Variants in LAMA1 observed in about 807,000 individuals in gnomAD.
LAMA1 encodes laminin subunit alpha 1, also known as laminin subunit alpha-1.
In LAMA1, 219 loss-of-function variants were observed where a neutral mutation model predicts 348.7. The ratio of observed to expected loss-of-function variants is 0.63; its 90% confidence interval spans 0.56 to 0.70. The LOEUF is 0.70. LAMA1 is among the 30% of genes least tolerant of loss of function. The pLI, the probability that LAMA1 is intolerant of heterozygous loss-of-function variation, is 0.00. For synonymous variants in LAMA1, 1,487 were observed against 1,491.0 expected (o/e 1.00, Z 0.06); for missense variants, 3,744 against 3,888.0 (o/e 0.96, Z 0.99).
At chr18:6,968,995 T>C (rs1362098306) in intron 48 of LAMA1, among the ~76,000 whole-genome samples, 1 of 152,220 alleles carries the variant, frequency 6.6e-6, no homozygotes, top group African/African-American at 2.4e-5. Flanking sequence ...CTAAAGTTCT[T>C]GTCTAACAGG....
intron 3 of LAMA1, among the ~76,000 whole-genome samples, chr18:7,066,706 A>T (rs2058124237): frequency 6.6e-6 from 1 of 152,232 alleles, no homozygotes; most frequent in Admixed American, 6.5e-5. Context: ...TTCAATTAGC[A>T]TAGGACAAAA....
chr18:7,038,619 G>A (rs949741156), intron 11 of LAMA1, 191 bp downstream of exon 11: 12 of 723,002 alleles, frequency 1.7e-5, no homozygotes, highest in African/African-American at 1.4e-4. Flanking sequence ...AAATGTGTGT[G>A]GGAGTAAGCA....
intron 1 of LAMA1, among the ~76,000 whole-genome samples, chr18:7,097,504 T>G (rs954597465): frequency 1.3e-5 from 2 of 150,262 alleles, no homozygotes; most frequent in Non-Finnish European, 3.0e-5. Context: ...GCTGGCTTTT[T>G]TTTTTTTTTT....
intron 1 of LAMA1, among the ~76,000 whole-genome samples, chr18:7,113,439 CA>C (rs1489137015): frequency 2.0e-5 from 3 of 152,128 alleles, no homozygotes; most frequent in African/African-American, 7.2e-5. Context: ...GGGTTTGGGG[CA>C]CATAATCTAA....
At chr18:7,018,977 G>A (rs1454552887) in intron 19 of LAMA1, among the ~76,000 whole-genome samples, 1 of 151,960 alleles carries the variant, frequency 6.6e-6, no homozygotes, top group African/African-American at 2.4e-5. Flanking sequence ...CCCATTCACC[G>A]GTGCCCTTCA....
intron 29 of LAMA1, among the ~76,000 whole-genome samples, chr18:7,005,452 A>T (rs1278584368): frequency 6.6e-6 from 1 of 152,184 alleles, no homozygotes; most frequent in African/African-American, 2.4e-5. Context: ...GTTCAGACTT[A>T]ATATCTGAAG....
chr18:6,986,707 G>A (rs2057737217), intron 36 of LAMA1, among the ~76,000 whole-genome samples: 1 of 152,118 alleles, frequency 6.6e-6, no homozygotes, highest in African/African-American at 2.4e-5. Context: ...TGTATTTCAA[G>A]TTAAGCCGGT....
At chr18:7,102,131 G>A (rs903568286) in intron 1 of LAMA1, among the ~76,000 whole-genome samples, 3 of 151,838 alleles carry the variant, frequency 2.0e-5, no homozygotes, top group African/African-American at 4.8e-5. Flanking sequence ...TATAAAACAC[G>A]GCCCATTTAA....
chr18:7,070,851 A>G (rs1165724058), intron 3 of LAMA1, among the ~76,000 whole-genome samples: 1 of 152,122 alleles, frequency 6.6e-6, no homozygotes, highest in Non-Finnish European at 1.5e-5. Context: ...TCCGGCTTTA[A>G]AAGTTTTTTA....
intron 3 of LAMA1, 74 bp downstream of exon 3, chr18:7,079,901 C>G (rs1374491359): frequency 2.7e-6 from 3 of 1,092,960 alleles, no homozygotes; most frequent in Non-Finnish European, 4.2e-6. Context: ...AGAAGCCAGA[C>G]TTTCCCAAAG....
Position 6,983,170 on chromosome 18 carries a change from T to C in LAMA1, c.5725A>G (p.Ile1909Val), listed in dbSNP as rs1490879311. 1.2e-6 allele frequency: 2 copies of C among 1,614,204 alleles called. No homozygotes were observed. Among genetic ancestry groups the C allele is most frequent in the Non-Finnish European group, 1.7e-6 (2 of 1,180,022 alleles). ...TCCGATTCTTCAATCAGGCTCTGGATGTTGTAATGGACATAGGCTGCACTG... is the reference window on the plus strand; with the variant it reads ...TCCGATTCTTCAATCAGGCTCTGGACGTTGTAATGGACATAGGCTGCACTG... ...ATSAAYVHYNIQSLIEESEEL... is the reference protein window; with the variant it reads ...ATSAAYVHYNVQSLIEESEEL... Residue 1909 changes from isoleucine to valine, a missense_variant, in exon 40 of 63, where the codon ATC becomes GTC. By Grantham distance (29) the Ile-to-Val change is conservative. Coordinates refer to ENST00000389658, the MANE Select transcript of LAMA1 (RefSeq NM_005559.4).
intron 22 of LAMA1, 138 bp from the exon 23 acceptor site, chr18:7,014,189 G>T: frequency 1.3e-6 from 1 of 763,164 alleles, no homozygotes; most frequent in Non-Finnish European, 2.3e-6. Flanking sequence ...TTGCTGCATG[G>T]ATTCACGTTG....
intron 3 of LAMA1, among the ~76,000 whole-genome samples, chr18:7,078,090 A>G (rs566950193): frequency 2.7e-5 from 4 of 150,610 alleles, no homozygotes; most frequent in Non-Finnish European, 5.9e-5. Context: ...ACAAAAAACA[A>G]AACACAACAA....
At chr18:7,103,802 G>C (rs866995822) in intron 1 of LAMA1, among the ~76,000 whole-genome samples, 1 of 150,598 alleles carries the variant, frequency 6.6e-6, no homozygotes, top group Non-Finnish European at 1.5e-5. Context: ...CTGGGTGACA[G>C]AGTAAGACTC....
intron 9 of LAMA1, among the ~76,000 whole-genome samples, chr18:7,040,589 C>G (rs1294057122): frequency 3.3e-5 from 5 of 152,176 alleles, no homozygotes; most frequent in Admixed American, 3.3e-4. Context: ...TTTGGAAAAC[C>G]TTTTGACACT....
chr18:6,946,159 G>A (rs1268408817), intron 61 of LAMA1, among the ~76,000 whole-genome samples: 1 of 152,060 alleles, frequency 6.6e-6, no homozygotes, highest in Admixed American at 6.5e-5. Context: ...AGCATGGTAC[G>A]TCTATCCCAC....
intron 42 of LAMA1, among the ~76,000 whole-genome samples, chr18:6,979,854 G>T (rs112171030): frequency 4.6e-5 from 7 of 152,070 alleles, no homozygotes; most frequent in Non-Finnish European, 7.4e-5. Context: ...AGCCAAGATC[G>T]CGCCACTGCA....
At position 6,958,543 on chromosome 18, in the gene LAMA1, C is replaced by T; in HGVS notation, c.7898G>A (p.Gly2633Glu). Residue 2633 changes from glycine (G) to glutamate (E), a missense_variant, in exon 55 of 63, where the codon GGG becomes GAG. Gly to Glu is a moderately conservative substitution (Grantham distance 98). This residue lies in a region of LAMA1 where 1,983 missense variants were observed against 1,934.3 expected (regional missense o/e 1.03). Coordinates refer to ENST00000389658, the MANE Select transcript of LAMA1 (RefSeq NM_005559.4). ...LYVGGIPEGEGTSLLTMRRSF... is the reference protein window; with the variant it reads ...LYVGGIPEGEETSLLTMRRSF... Reference sequence around the variant, plus strand: ...TCTTCTCATTGTGAGCAGTGACGTCCCCTCTCCCTCTGGAATTCCCCCGAC... The same window carrying T: ...TCTTCTCATTGTGAGCAGTGACGTCTCCTCTCCCTCTGGAATTCCCCCGAC... The T allele has an allele frequency of 6.2e-7, 1 of 1,614,158 alleles. No homozygotes were observed. Among genetic ancestry groups the T allele is most frequent in the Non-Finnish European group, 8.5e-7 (1 of 1,180,040 alleles).
At chr18:6,960,301 C>T (rs116785372) in intron 53 of LAMA1, 1 of 153,654 alleles carries the variant, frequency 6.5e-6, no homozygotes, top group African/African-American at 2.4e-5. Flanking sequence ...CTGATGAACA[C>T]ACTGTGGTAT....
Sources: gnomAD v4.1 joint callset for allele counts (sites outside exome capture counted in the v4.1 genomes callset) on GRCh38, gnomAD v4.1.1 for gene constraint, gnomAD v4.1.1 regional missense constraint, MANE v1.5 for transcripts, NCBI Gene and HGNC (gene_info 2026-07-23, HGNC 2026-07-21) for gene names.